ZNF518A: variants seen among roughly 807,000 people sequenced by gnomAD.
The protein encoded by ZNF518A is zinc finger protein 518.
A neutral mutation model predicts 102.7 loss-of-function variants in ZNF518A; 47 were observed. The observed-to-expected ratio is 0.46, with a 90% confidence interval of 0.36 to 0.58. The LOEUF (loss-of-function observed/expected upper bound fraction) is 0.58. ZNF518A is among the 20% of genes least tolerant of loss of function. The pLI is 0.00. For synonymous variants in ZNF518A, 652 were observed against 594.6 expected, an observed-to-expected ratio of 1.10 and a Z score of -1.40; for missense variants, 1,793 against 1,699.8, an observed-to-expected ratio of 1.05 and a Z score of -0.96.
intron 1 of ZNF518A, among the ~76,000 whole-genome samples, chr10:96,176,043 A>G (rs1438616601): frequency 1.3e-5 from 2 of 152,006 alleles, no homozygotes; most frequent in Admixed American, 6.6e-5. Flanking sequence ...GGCTCAAGCA[A>G]TCCTGCCTCC....
Position 96,158,273 on chromosome 10 carries a change from C to T in ZNF518A, c.1951C>T (p.Arg651Cys), listed in dbSNP as rs782330269. Residue 651 changes from arginine to cysteine, a missense_variant, in exon 6 of 6, where the codon CGT becomes TGT. Transcript: ENST00000316045. Reference sequence around the variant, plus strand: ...CTCAAAAGTGAATAATTCTAATAAACGTCGTAGGTTTTCAGGAACAGCAGT... The same window carrying T: ...CTCAAAAGTGAATAATTCTAATAAATGTCGTAGGTTTTCAGGAACAGCAGT... ...NYSKVNNSNKRRRFSGTAVYE... is the reference protein window; with the variant it reads ...NYSKVNNSNKCRRFSGTAVYE... The T allele has an allele frequency of 1.4e-5, 23 of 1,613,348 alleles. No individual in the cohort carries two copies. The highest frequency in any genetic ancestry group is 1.6e-4 in the Middle Eastern group (1 of 6,084).
At chr10:96,172,094 A>G (rs1218888247) in intron 1 of ZNF518A, among the ~76,000 whole-genome samples, 6 of 152,124 alleles carry the variant, frequency 3.9e-5, no homozygotes, top group African/African-American at 1.4e-4. Context: ...TTGCAAACCT[A>G]CCTTTCAGTA....
intron 1 of ZNF518A, among the ~76,000 whole-genome samples, chr10:96,175,889 TC>T (rs1564801810): frequency 1.6e-5 from 1 of 63,134 alleles, no homozygotes; most frequent in African/African-American, 5.1e-5. Flanking sequence ...CTTCCTTCCT[TC>T]CTTCCTTCCT....
downstream of ZNF518A, among the ~76,000 whole-genome samples, chr10:96,166,665 T>A (rs587747386): frequency 6.6e-6 from 1 of 151,788 alleles, no homozygotes; most frequent in Admixed American, 6.6e-5. Context: ...TACTCGAGAG[T>A]CTGAGGCAAG....
chr10:96,196,794 T>A, intron 1 of ZNF518A: 5 of 1,037,756 alleles, frequency 4.8e-6, no homozygotes, highest in Admixed American at 4.0e-5. Flanking sequence ...TATGCAAGCA[T>A]TAGAACAAGT....
Position 96,158,843 on chromosome 10 carries a change from G to T in ZNF518A, c.2521G>T (p.Val841Phe). The change falls in exon 6 of 6, where the codon GTT becomes TTT. Residue 841 changes from valine to phenylalanine, a missense_variant. By Grantham distance (50) the Val-to-Phe change is conservative. This residue lies in a region of ZNF518A where 1,741 missense variants were observed against 1,622.6 expected (regional missense o/e 1.07). Transcript: ENST00000316045. ...TTTCAAAGTGCAAGGCATCTTCCCA[G>T]TTCCACCTGGCAGTGTGGGTATTAA... ...KDFKVQGIFP[V>F]PPGSVGINVP... 2.5e-6 allele frequency: 4 copies of T among 1,613,762 alleles called. No individual in the cohort carries two copies. The highest frequency in any genetic ancestry group is 3.4e-6 in the Non-Finnish European group (4 of 1,179,732).
At chr10:96,174,459 CAG>C (rs1225272217) in intron 1 of ZNF518A, among the ~76,000 whole-genome samples, 9 of 152,146 alleles carry the variant, frequency 5.9e-5, no homozygotes, top group African/African-American at 1.9e-4. Context: ...TTACTAAAAA[CAG>C]AATGAAAGAG....
At chr10:96,194,991 G>A (rs948729944) in intron 1 of ZNF518A, among the ~76,000 whole-genome samples, 4 of 151,620 alleles carry the variant, frequency 2.6e-5, no homozygotes, top group African/African-American at 9.7e-5. Context: ...GGATGGTCTC[G>A]ATCTCCTGAC....
chr10:96,176,923 A>T (rs1435574964), intron 1 of ZNF518A, among the ~76,000 whole-genome samples: 1 of 151,832 alleles, frequency 6.6e-6, no homozygotes, highest in Non-Finnish European at 1.5e-5. Flanking sequence ...AAGCAATAAA[A>T]ACAACTTAGC....
exon 3 of ZNF518A, chr10:96,204,054 T>C (rs987715589): frequency 6.2e-7 from 1 of 1,613,170 alleles, no homozygotes; most frequent in Non-Finnish European, 8.5e-7. Context: ...TCGTTGTACT[T>C]ACTTGGCAGA....
At chr10:96,137,398 C>G (rs1271582973) in intron 3 of ZNF518A, among the ~76,000 whole-genome samples, 1 of 152,188 alleles carries the variant, frequency 6.6e-6, no homozygotes, top group African/African-American at 2.4e-5. Flanking sequence ...AAAGAGTTGT[C>G]TGCACTGCAT....
chr10:96,156,737 T>C lies in ZNF518A; in HGVS notation c.415T>C (p.Phe139Leu), dbSNP rs781908911. The change falls in exon 6 of 6, where the codon TTT becomes CTT. Residue 139 changes from phenylalanine to leucine, a missense_variant. By Grantham distance (22) the Phe-to-Leu change is conservative. Transcript: ENST00000316045. The stretch of plus-strand genomic sequence containing the variant: ...TAGCCCAAATGATTTGCAGAAACAC[T>C]TTCAAATGTGGCACCATGGCGAATT... Reference protein sequence around the residue: ...RYSPNDLQKHFQMWHHGELPS... With the variant: ...RYSPNDLQKHLQMWHHGELPS... The C allele has an allele frequency of 5.5e-5, 89 of 1,613,800 alleles. No individual in the cohort carries two copies. Among genetic ancestry groups the C allele is most frequent in the Non-Finnish European group, 6.8e-5 (80 of 1,179,828 alleles).
intron 3 of ZNF518A, among the ~76,000 whole-genome samples, chr10:96,150,742 C>CTTTTTTTTTTTTTT (rs1564759772): frequency 6.9e-5 from 1 of 14,536 alleles, no homozygotes; most frequent in African/African-American, 1.6e-4. Context: ...TTCTTTCTTT[C>CTTTTTTTTTTTTTT]CTTTTTTTTT....
Position 96,159,356 on chromosome 10 carries a change from C to T in ZNF518A, c.3034C>T (p.Pro1012Ser). 6.2e-7 allele frequency: 1 copy of T among 1,613,790 alleles called. No homozygotes were observed. The highest frequency in any genetic ancestry group is 1.1e-5 in the South Asian group (1 of 91,070). The change falls in exon 6 of 6, where the codon CCT (proline) becomes TCT (serine). Residue 1012 changes from proline (P) to serine (S), a missense_variant. Pro to Ser is a moderately conservative substitution (Grantham distance 74). Coordinates refer to ENST00000316045, the MANE Select transcript of ZNF518A (RefSeq NM_001330736.2). ...GTVTKEPCKT[P>S]ILKVEPNNNC... ...TGTGACTAAGGAGCCTTGCAAAACACCTATTTTGAAGGTAGAACCAAACAA... is the reference window on the plus strand; with the variant it reads ...TGTGACTAAGGAGCCTTGCAAAACATCTATTTTGAAGGTAGAACCAAACAA...
intron 1 of ZNF518A, among the ~76,000 whole-genome samples, chr10:96,185,611 C>T (rs587611704): frequency 2.6e-5 from 4 of 152,212 alleles, no homozygotes; most frequent in African/African-American, 7.2e-5. Context: ...ACTCCAGACC[C>T]TCTTTGCCTG....
intron 1 of ZNF518A, among the ~76,000 whole-genome samples, chr10:96,194,580 A>G (rs1591289123): frequency 6.6e-6 from 1 of 152,158 alleles, no homozygotes; most frequent in East Asian, 1.9e-4. Context: ...TGGGAAAAAT[A>G]TTTGCAAATC....
intron 3 of ZNF518A, among the ~76,000 whole-genome samples, chr10:96,134,256 A>G (rs2081488077): frequency 6.6e-6 from 1 of 152,154 alleles, no homozygotes; most frequent in African/African-American, 2.4e-5. Context: ...TTTGAGACGG[A>G]GTCTCACTCT....
At chr10:96,199,606 T>C in intron 1 of ZNF518A, 1 of 443,260 alleles carries the variant, frequency 2.3e-6, no homozygotes, top group Non-Finnish European at 4.5e-6. Flanking sequence ...GCAGTTTCTC[T>C]TGAGTAAGTA....
Position 96,158,812 on chromosome 10 carries a change from G to T in ZNF518A, c.2490G>T (p.Ser830=). 3 of 1,613,684 alleles carry T rather than the reference G, an allele frequency of 1.9e-6. No individual in the cohort carries two copies. Among genetic ancestry groups the T allele is most frequent in the South Asian group, 2.2e-5 (2 of 91,042 alleles). ...GAGAAGGCAAAATTGTTGAATCTTC[G>T]AAAGATTTCAAAGTGCAAGGCATCT... The part of the protein sequence containing the change: ...HEREGKIVES[S]KDFKVQGIFP... The change falls in exon 6 of 6, where the codon TCG becomes TCT. Residue 830 remains serine (S), a synonymous_variant. Transcript: ENST00000316045.
Sources: gnomAD v4.1 joint callset for allele counts (sites outside exome capture counted in the v4.1 genomes callset) on GRCh38, gnomAD v4.1.1 for gene constraint, gnomAD v4.1.1 regional missense constraint, MANE v1.5 for transcripts, NCBI Gene and HGNC (gene_info 2026-07-23, HGNC 2026-07-21) for gene names.